The following RBFOX1 variants were observed in gnomAD, a reference collection of about 807,000 sequenced individuals.
The protein encoded by RBFOX1 is RNA binding fox-1 homolog 1, also known as RNA binding protein fox-1 homolog 1.
In RBFOX1, 8 loss-of-function variants were observed where a neutral mutation model predicts 57.7. The observed-to-expected ratio is 0.14, with a 90% CI of 0.08 to 0.25. The LOEUF is 0.25. Among genes scored for constraint, RBFOX1 ranks in the 10% least tolerant of loss-of-function variants. RBFOX1 has a pLI of 1.00. For synonymous variants in RBFOX1, 326 were observed against 222.4 expected, an observed-to-expected ratio of 1.47 and a Z score of -4.15; for missense variants, 611 against 548.5, an observed-to-expected ratio of 1.11 and a Z score of -1.14.
At chr16:5,341,281 T>G (rs2065025283) in intron 1 of RBFOX1, among the ~76,000 whole-genome samples, 1 of 150,848 alleles carries the variant, frequency 6.6e-6, no homozygotes, top group Non-Finnish European at 1.5e-5. Context: ...AATTTTGGGA[T>G]AGGGAATGGC....
chr16:7,186,362 TTA>T (rs1567618213), intron 4 of RBFOX1, among the ~76,000 whole-genome samples: 1 of 36,588 alleles, frequency 2.7e-5, no homozygotes, highest in Non-Finnish European at 4.2e-5. Flanking sequence ...ATAAACATAT[TTA>T]TATAAATATA....
intron 4 of RBFOX1, among the ~76,000 whole-genome samples, chr16:5,974,895 C>G (rs879835523): frequency 2.0e-5 from 3 of 152,052 alleles, no homozygotes; most frequent in Non-Finnish European, 2.9e-5. Context: ...ATTACCCTGG[C>G]TACTCAGGAG....
At chr16:5,465,847 C>G (rs1422763947) in intron 1 of RBFOX1, among the ~76,000 whole-genome samples, 1 of 152,184 alleles carries the variant, frequency 6.6e-6, no homozygotes, top group African/African-American at 2.4e-5. Flanking sequence ...TTGAATGTGG[C>G]TTTCTCCAGA....
chr16:6,466,823 A>AG lies in RBFOX1; in HGVS notation c.-64+149766_-64+149767insG, dbSNP rs1296350206. ...AGCTACAGAAGAAGCAAAGAAAAAAATGAAATCCTCTCATTGATTTCTAGT... is the reference window on the plus strand; with the variant it reads ...AGCTACAGAAGAAGCAAAGAAAAAAAGTGAAATCCTCTCATTGATTTCTAGT... On this transcript the variant is annotated intron_variant, in intron 2 of 15. Coordinates refer to ENST00000550418, the MANE Select transcript of RBFOX1 (RefSeq NM_018723.4). 1.1e-4 allele frequency among the ~76,000 whole-genome samples: 17 copies of AG among 152,306 alleles called. No individual in the cohort carries two copies. In the South Asian group the frequency reaches 3.3e-3, roughly 30 times the overall value.
chr16:6,134,566 A>G (rs1229947986), intron 1 of RBFOX1, among the ~76,000 whole-genome samples: 1 of 152,178 alleles, frequency 6.6e-6, no homozygotes, highest in Non-Finnish European at 1.5e-5. Flanking sequence ...ACATGACATT[A>G]GTTCTGCCCT....
intron 2 of RBFOX1, among the ~76,000 whole-genome samples, chr16:5,478,796 G>A (rs2069420270): frequency 6.6e-6 from 1 of 152,080 alleles, no homozygotes; most frequent in Admixed American, 6.5e-5. Context: ...TACAGGAGGA[G>A]GCAGGAGAGA....
chr16:7,649,899 G>C (rs866104427), intron 11 of RBFOX1, among the ~76,000 whole-genome samples: 1 of 151,988 alleles, frequency 6.6e-6, no homozygotes, highest in Admixed American at 6.6e-5. Context: ...ATTCCAAAGT[G>C]ACTGAAAGGA....
At chr16:7,063,707 A>C (rs902665103) in intron 4 of RBFOX1, among the ~76,000 whole-genome samples, 1 of 152,162 alleles carries the variant, frequency 6.6e-6, no homozygotes, top group African/African-American at 2.4e-5. Context: ...TTTAGGGGGA[A>C]AAAAAACCCA....
intron 2 of RBFOX1, among the ~76,000 whole-genome samples, chr16:5,468,182 G>A (rs2069012721): frequency 2.0e-5 from 3 of 152,180 alleles, no homozygotes; most frequent in South Asian, 2.1e-4. Context: ...TAAACAAATT[G>A]TGTTGAGGTG....
chr16:6,931,467 A>G (rs2076551235), intron 3 of RBFOX1, among the ~76,000 whole-genome samples: 2 of 152,140 alleles, frequency 1.3e-5, no homozygotes, highest in South Asian at 4.1e-4. Context: ...TCTGCAGGGT[A>G]TAATCCCAGA....
At chr16:7,326,435 C>A (rs987111177) in intron 4 of RBFOX1, among the ~76,000 whole-genome samples, 1 of 152,096 alleles carries the variant, frequency 6.6e-6, no homozygotes, top group Non-Finnish European at 1.5e-5. Flanking sequence ...GAAGCTCGAA[C>A]AGCAACATCT....
intron 3 of RBFOX1, among the ~76,000 whole-genome samples, chr16:6,941,804 C>G (rs1014671180): frequency 2.0e-5 from 3 of 152,188 alleles, no homozygotes; most frequent in Non-Finnish European, 2.9e-5. Context: ...ATTGGAGGAC[C>G]TAACAAATAA....
At chr16:6,177,061 G>A (rs568447814) in intron 1 of RBFOX1, among the ~76,000 whole-genome samples, 103 of 152,154 alleles carry the variant, frequency 6.8e-4, no homozygotes, top group African/African-American at 2.4e-3. Context: ...TGAAAACAAC[G>A]TAATAGTCAT....
At chr16:5,691,871 C>A (rs1484613009) in intron 3 of RBFOX1, among the ~76,000 whole-genome samples, 1 of 152,092 alleles carries the variant, frequency 6.6e-6, no homozygotes, top group Admixed American at 6.5e-5. Flanking sequence ...CAATCCCCAT[C>A]CAGTTGGGAT....
chr16:5,402,552 T>C (rs909446470), intron 1 of RBFOX1, among the ~76,000 whole-genome samples: 1 of 152,246 alleles, frequency 6.6e-6, no homozygotes, highest in Non-Finnish European at 1.5e-5. Flanking sequence ...TCTAAATACC[T>C]GCTTTCTTCC....
chr16:5,494,256 G>T (rs1332686833), intron 2 of RBFOX1, among the ~76,000 whole-genome samples: 1 of 152,190 alleles, frequency 6.6e-6, no homozygotes, highest in Non-Finnish European at 1.5e-5. Context: ...TGTTCCCAAA[G>T]TCTAGACATT....
intron 3 of RBFOX1, among the ~76,000 whole-genome samples, chr16:6,977,934 A>C (rs1256706795): frequency 8.7e-6 from 1 of 115,204 alleles, no homozygotes; most frequent in East Asian, 2.4e-4. Context: ...CAGCCTCCCC[A>C]GGGAAAAAAA....
intron 2 of RBFOX1, among the ~76,000 whole-genome samples, chr16:6,619,143 C>T (rs373859704): frequency 8.0e-5 from 12 of 150,902 alleles, no homozygotes; most frequent in Admixed American, 2.7e-4. Flanking sequence ...CGCTACAGAC[C>T]GCTGACATGT....
chr16:6,643,257 CAA>C (rs916850776), intron 2 of RBFOX1, among the ~76,000 whole-genome samples: 3 of 152,142 alleles, frequency 2.0e-5, no homozygotes, highest in Admixed American at 1.3e-4. Context: ...GTATTTTTTG[CAA>C]AGTTATTTGC....
Sources: allele counts gnomAD v4.1 joint callset (sites outside exome capture counted in the v4.1 genomes callset), GRCh38; gene constraint gnomAD v4.1.1; transcripts MANE v1.5; gene names NCBI Gene and HGNC (gene_info 2026-07-23, HGNC 2026-07-21).